Variants in FSTL5 observed in about 807,000 individuals in gnomAD.
FSTL5 encodes the protein follistatin-related protein 5.
FSTL5 carries 62 observed loss-of-function variants against 89.1 expected under a neutral mutation model. The ratio of observed to expected loss-of-function variants is 0.70; its 90% CI spans 0.57 to 0.86. The LOEUF (loss-of-function observed/expected upper bound fraction) is 0.86. Ranked by LOEUF, FSTL5 falls within the 40% of genes least tolerant of loss-of-function variation. FSTL5 has a pLI of 0.00. For missense variants in FSTL5, 1,057 were observed against 1,001.6 expected (o/e 1.06, Z -0.75); for synonymous variants, 383 against 346.2 (o/e 1.11, Z -1.18).
chr4:161,496,121 A>T (rs1730061346), intron 12 of FSTL5, among the ~76,000 whole-genome samples: 1 of 152,220 alleles, frequency 6.6e-6, no homozygotes, highest in Non-Finnish European at 1.5e-5. Flanking sequence ...ATACATTTTT[A>T]AACTTAGAGA....
intron 3 of FSTL5, among the ~76,000 whole-genome samples, chr4:161,990,727 C>G (rs77765307): frequency 0.055 from 8,360 of 151,996 alleles, 266 homozygotes; most frequent in Non-Finnish European, 0.077. Context: ...TGGTGGTTTT[C>G]GGGTAGACAT....
At chr4:161,424,700 G>T (rs972930373) in intron 15 of FSTL5, among the ~76,000 whole-genome samples, 1 of 152,152 alleles carries the variant, frequency 6.6e-6, no homozygotes, top group Admixed American at 6.5e-5. Flanking sequence ...AAATGTTAAA[G>T]AATTCTGGGA....
chr4:161,562,201 G>A (rs1296868946), intron 8 of FSTL5, among the ~76,000 whole-genome samples: 3 of 151,928 alleles, frequency 2.0e-5, no homozygotes, highest in Non-Finnish European at 2.9e-5. Context: ...TGTCTATGCT[G>A]TGTCAGTATC....
chr4:161,657,631 T>C (rs1177795992), intron 6 of FSTL5, among the ~76,000 whole-genome samples: 1 of 152,162 alleles, frequency 6.6e-6, no homozygotes, highest in African/African-American at 2.4e-5. Context: ...TCTCTATTTC[T>C]TAATCCTGTC....
intron 13 of FSTL5, among the ~76,000 whole-genome samples, chr4:161,468,966 A>T (rs921910813): frequency 6.6e-6 from 1 of 152,208 alleles, no homozygotes; most frequent in South Asian, 2.1e-4. Context: ...ACCATTTTTA[A>T]GTGTGCTGAA....
chr4:161,849,133 A>C (rs1731471296), intron 4 of FSTL5, among the ~76,000 whole-genome samples: 2 of 152,236 alleles, frequency 1.3e-5, no homozygotes, highest in Non-Finnish European at 2.9e-5. Flanking sequence ...AAGTAAAATT[A>C]CTTCAAAATT....
chr4:161,515,576 A>G (rs1400504396), intron 10 of FSTL5, among the ~76,000 whole-genome samples: 1 of 150,170 alleles, frequency 6.7e-6, no homozygotes, highest in Admixed American at 6.7e-5. Flanking sequence ...TAAAATATAT[A>G]AATATATAAT....
At chr4:161,922,589 T>G (rs563040100) in intron 3 of FSTL5, among the ~76,000 whole-genome samples, 3 of 152,076 alleles carry the variant, frequency 2.0e-5, no homozygotes, top group African/African-American at 7.2e-5. Context: ...AAGACTTATA[T>G]TTCTAACAAG....
At chr4:161,513,097 T>C (rs1413381185) in intron 10 of FSTL5, among the ~76,000 whole-genome samples, 1 of 152,044 alleles carries the variant, frequency 6.6e-6, no homozygotes, top group Non-Finnish European at 1.5e-5. Context: ...AATATACAAA[T>C]CTTCAAGCCC....
intron 12 of FSTL5, 67 bp from the exon 13 acceptor site, chr4:161,481,236 G>A: frequency 8.1e-7 from 1 of 1,231,680 alleles, no homozygotes; most frequent in Non-Finnish European, 1.1e-6. Flanking sequence ...ACAATATCAT[G>A]GGTAAAATTA....
At chr4:161,566,770 A>T (rs1044528593) in intron 8 of FSTL5, among the ~76,000 whole-genome samples, 3 of 152,060 alleles carry the variant, frequency 2.0e-5, no homozygotes, top group Non-Finnish European at 4.4e-5. Flanking sequence ...CAAGGAAATG[A>T]ATTATAATAA....
Position 161,920,595 on chromosome 4 carries a change from C to G in FSTL5, c.218G>C (p.Gly73Ala), listed in dbSNP as rs771920941. The change falls in exon 4 of 16, where the codon GGA (glycine) becomes GCA (alanine). Residue 73 changes from glycine (G) to alanine (A), a missense_variant. Gly to Ala is a moderately conservative substitution (Grantham distance 60). Transcript: ENST00000306100. ...CTCTCTGCTGGTAACACAGTGTCTT[C>G]CCAAACCACAGTACTTATTTTCACA... ...GSCENKYCGL[G>A]RHCVTSRETG... 6.2e-7 allele frequency: 1 copy of G among 1,613,720 alleles called. No individual in the cohort carries two copies. Among genetic ancestry groups the G allele is most frequent in the Non-Finnish European group, 8.5e-7 (1 of 1,179,812 alleles).
In FSTL5 at chr4:161,675,036, A is replaced by G. The variant is rs115426948; in HGVS notation, c.728-18542T>C. Among the ~76,000 whole-genome samples the G allele has an allele frequency of 7.8e-3, 1,194 of 152,246 alleles. 16 individuals are homozygous for G. The highest frequency in any genetic ancestry group is 0.028 in the African/African-American group (1,149 of 41,552). ...TACAAAACTAATAGCATACCAATAG[A>G]CATAAAGGCAAAAAACAAGAATATA... On this transcript the variant is annotated intron_variant, in intron 6 of 15. Transcript: ENST00000306100.
At chr4:161,613,327 G>T (rs567573670) in intron 7 of FSTL5, among the ~76,000 whole-genome samples, 2 of 151,998 alleles carry the variant, frequency 1.3e-5, no homozygotes, top group South Asian at 2.1e-4. Context: ...GGCGCACGCC[G>T]GTAGTCACAG....
chr4:162,003,018 C>T (rs1383941172), intron 3 of FSTL5, among the ~76,000 whole-genome samples: 1 of 152,024 alleles, frequency 6.6e-6, no homozygotes, highest in African/African-American at 2.4e-5. Flanking sequence ...GTGTCAGGCG[C>T]CTCTAGTCCC....
chr4:162,107,941 T>C (rs907961836), intron 2 of FSTL5, among the ~76,000 whole-genome samples: 8 of 152,130 alleles, frequency 5.3e-5, no homozygotes, highest in South Asian at 4.1e-4. Flanking sequence ...CCCAGGATTA[T>C]TATATAAATT....
Position 161,988,396 on chromosome 4 carries a change from C to T in FSTL5, c.160+45229G>A, listed in dbSNP as rs550219229. Among the ~76,000 whole-genome samples, 113 of 152,072 alleles carry T rather than the reference C, an allele frequency of 7.4e-4. 1 individual carries two copies. Among genetic ancestry groups the T allele is most frequent in the African/African-American group, 2.6e-3 (106 of 41,508 alleles). Reference sequence around the variant, plus strand: ...AAGACAACTACAGCAAAGGAGAATACGTGTAAAAGAATTACAGTATTAGTC... The same window carrying T: ...AAGACAACTACAGCAAAGGAGAATATGTGTAAAAGAATTACAGTATTAGTC... On this transcript the variant is annotated intron_variant, in intron 3 of 15. Transcript: ENST00000306100.
intron 6 of FSTL5, among the ~76,000 whole-genome samples, chr4:161,657,391 T>C (rs1349297545): frequency 6.6e-6 from 1 of 152,182 alleles, no homozygotes; most frequent in Non-Finnish European, 1.5e-5. Flanking sequence ...TTGCTCACAG[T>C]CTTGACCACG....
intron 13 of FSTL5, among the ~76,000 whole-genome samples, chr4:161,473,559 T>A (rs1476289462): frequency 6.6e-6 from 1 of 151,738 alleles, no homozygotes; most frequent in Non-Finnish European, 1.5e-5. Context: ...TTCCCAAGTA[T>A]GTGGGACTAC....
Sources: gnomAD v4.1 joint callset for allele counts (sites outside exome capture counted in the v4.1 genomes callset) on GRCh38, gnomAD v4.1.1 for gene constraint, MANE v1.5 for transcripts, NCBI Gene and HGNC (gene_info 2026-07-23, HGNC 2026-07-21) for gene names.